SEMA5A: variants seen among roughly 807,000 people sequenced by gnomAD.
The protein encoded by SEMA5A is semaphorin 5A.
SEMA5A carries 55 observed loss-of-function variants against 135.5 expected under a neutral mutation model. That is an observed-to-expected ratio of 0.41 (90% CI 0.33 to 0.51). The LOEUF is 0.51. Ranked by LOEUF, SEMA5A falls within the 20% of genes least tolerant of loss-of-function variation. The probability of loss-of-function intolerance (pLI) is 0.37; values close to 1 mark genes in which losing one functional copy is unlikely to be tolerated. For missense variants in SEMA5A, 1,290 were observed against 1,419.9 expected (o/e 0.91, Z 1.47); for synonymous variants, 580 against 546.5 (o/e 1.06, Z -0.85).
intron 3 of SEMA5A, among the ~76,000 whole-genome samples, chr5:9,378,082 G>A (rs1263676806): frequency 1.3e-5 from 2 of 152,074 alleles, no homozygotes; most frequent in Non-Finnish European, 2.9e-5. Context: ...TGAAATTCAT[G>A]TATTAATAAT....
chr5:9,377,416 A>G (rs1246318439), intron 3 of SEMA5A, among the ~76,000 whole-genome samples: 1 of 152,168 alleles, frequency 6.6e-6, no homozygotes, highest in Non-Finnish European at 1.5e-5. Context: ...AATTAAACAA[A>G]TGATAGTAAC....
At chr5:9,109,370 A>ATGAAG (rs1399171730) in intron 15 of SEMA5A, among the ~76,000 whole-genome samples, 14 of 152,322 alleles carry the variant, frequency 9.2e-5, no homozygotes, top group Non-Finnish European at 1.8e-4. Flanking sequence ...TGCAAGTGAA[A>ATGAAG]TGAAGTGAAG....
intron 5 of SEMA5A, among the ~76,000 whole-genome samples, chr5:9,306,724 C>G (rs1287914745): frequency 2.0e-5 from 3 of 152,102 alleles, no homozygotes. Flanking sequence ...GATAGGGTGC[C>G]CTGTTCTATA....
chr5:9,081,532 G>A (rs967080050), intron 16 of SEMA5A, among the ~76,000 whole-genome samples: 5 of 149,248 alleles, frequency 3.4e-5, no homozygotes, highest in Admixed American at 1.3e-4. Flanking sequence ...TTATCCTCTC[G>A]CTATGATATT....
At chr5:9,319,713 G>T (rs995683438) in intron 4 of SEMA5A, among the ~76,000 whole-genome samples, 6 of 151,954 alleles carry the variant, frequency 3.9e-5, no homozygotes, top group African/African-American at 1.2e-4. Context: ...AAATGAGCAC[G>T]AGGTGGGATC....
intron 2 of SEMA5A, among the ~76,000 whole-genome samples, chr5:9,417,145 A>G (rs1757309703): frequency 6.6e-6 from 1 of 152,230 alleles, no homozygotes; most frequent in Non-Finnish European, 1.5e-5. Flanking sequence ...TATAGCAACC[A>G]TTTGAATTCT....
At chr5:9,209,765 G>T (rs1441236274) in intron 8 of SEMA5A, among the ~76,000 whole-genome samples, 1 of 152,126 alleles carries the variant, frequency 6.6e-6, no homozygotes, top group Admixed American at 6.5e-5. Context: ...AAATGTCAGA[G>T]GCCCTTGACT....
At chr5:9,084,916 T>C (rs192559721) in intron 16 of SEMA5A, among the ~76,000 whole-genome samples, 84 of 152,228 alleles carry the variant, frequency 5.5e-4, no homozygotes, top group African/African-American at 2.0e-3. Context: ...ATATGGACAA[T>C]AAGGTCCAGG....
At chr5:9,412,271 C>T (rs552932406) in intron 2 of SEMA5A, among the ~76,000 whole-genome samples, 1 of 151,844 alleles carries the variant, frequency 6.6e-6, no homozygotes, top group African/African-American at 2.4e-5. Context: ...TTCTACCTCC[C>T]CCTTCTGCTT....
chr5:9,176,782 A>G (rs958608600), intron 11 of SEMA5A, among the ~76,000 whole-genome samples: 5 of 152,196 alleles, frequency 3.3e-5, no homozygotes, highest in African/African-American at 1.2e-4. Context: ...GCTGACCAGC[A>G]GCCTCAGAAG....
At chr5:9,291,270 G>C (rs955276816) in intron 5 of SEMA5A, among the ~76,000 whole-genome samples, 1 of 152,146 alleles carries the variant, frequency 6.6e-6, no homozygotes, top group Non-Finnish European at 1.5e-5. Context: ...CTTCGCGGAT[G>C]GTCCCAGCAG....
chr5:9,509,811 T>C (rs1428264956), intron 1 of SEMA5A, among the ~76,000 whole-genome samples: 1 of 152,160 alleles, frequency 6.6e-6, no homozygotes, highest in East Asian at 1.9e-4. Context: ...TCAAGAAACA[T>C]GTATTGAGAA....
chr5:9,197,361 T>A, intron 9 of SEMA5A, 58 bp from the exon 10 acceptor site: 1 of 1,582,310 alleles, frequency 6.3e-7, no homozygotes, highest in Non-Finnish European at 8.6e-7. Context: ...CCTGCTGACC[T>A]CCCCCTATGG....
intron 1 of SEMA5A, among the ~76,000 whole-genome samples, chr5:9,501,095 A>C (rs1402949032): frequency 6.6e-6 from 1 of 152,232 alleles, no homozygotes; most frequent in Non-Finnish European, 1.5e-5. Flanking sequence ...ATGATGATTT[A>C]ATACAAAGAC....
chr5:9,044,595 A>G lies in SEMA5A; in HGVS notation c.2894-11T>C. 6.2e-7 allele frequency: 1 copy of G among 1,612,098 alleles called. No individual in the cohort carries two copies. The highest frequency in any genetic ancestry group is 8.5e-7 in the Non-Finnish European group (1 of 1,178,380). On this transcript the variant is annotated splice_polypyrimidine_tract_variant and intron_variant, in intron 21 of 22. Coordinates refer to ENST00000382496, the MANE Select transcript of SEMA5A (RefSeq NM_003966.3). ...GGAACATGTTGAACTCTAGGGAGAC[A>G]TGAGCAAAGTGATGCCACACTTGAA...
chr5:9,122,787 C>A lies in SEMA5A; in HGVS notation c.1650G>T (p.Thr550=), dbSNP rs138633079. 5.6e-6 allele frequency: 9 copies of A among 1,612,276 alleles called. No homozygotes were observed. The highest frequency in any genetic ancestry group is 7.6e-6 in the Non-Finnish European group (9 of 1,179,248). Residue 550 remains threonine (T), a synonymous_variant, in exon 14 of 23, where the codon ACG becomes ACT. Transcript: ENST00000382496. Reference sequence around the variant, plus strand: ...CGCTGCCATCTGTGTGCGTGCAAGGCGTCCACGGAGACCACACACCAAAGT... The same window carrying A: ...CGCTGCCATCTGTGTGCGTGCAAGGAGTCCACGGAGACCACACACCAAAGT... The part of the protein sequence containing the change: ...DGHFGVWSPW[T]PCTHTDGSAV...
At chr5:9,380,446 C>T (rs1755549775) in intron 2 of SEMA5A, among the ~76,000 whole-genome samples, 1 of 152,152 alleles carries the variant, frequency 6.6e-6, no homozygotes, top group Non-Finnish European at 1.5e-5. Context: ...CCCTTTTTAA[C>T]ATTTAAAATA....
chr5:9,460,559 C>A (rs1467766329), intron 1 of SEMA5A, among the ~76,000 whole-genome samples: 1 of 152,144 alleles, frequency 6.6e-6, no homozygotes, highest in East Asian at 1.9e-4. Flanking sequence ...ATATAATATG[C>A]TAGATGTTCA....
intron 13 of SEMA5A, among the ~76,000 whole-genome samples, chr5:9,129,290 C>A (rs1218274359): frequency 6.6e-6 from 1 of 152,264 alleles, no homozygotes; most frequent in East Asian, 1.9e-4. Context: ...ACAGCAATTG[C>A]ACTCTGGCAG....
Sources: allele counts gnomAD v4.1 joint callset (sites outside exome capture counted in the v4.1 genomes callset), GRCh38; gene constraint gnomAD v4.1.1; transcripts MANE v1.5; gene names NCBI Gene and HGNC (gene_info 2026-07-23, HGNC 2026-07-21).